The following TLN2 variants were observed in gnomAD, a reference collection of about 807,000 sequenced individuals.
The protein encoded by TLN2 is talin-2.
Under a neutral mutation model 294.7 loss-of-function variants are expected in TLN2, and 118 were observed. That is an observed-to-expected ratio of 0.40 (90% CI 0.34 to 0.47). The LOEUF (loss-of-function observed/expected upper bound fraction) is 0.47. Ranked by LOEUF, TLN2 falls within the 20% of genes least tolerant of loss-of-function variation. The probability of loss-of-function intolerance (pLI) is 0.84; values close to 1 mark genes in which losing one functional copy is unlikely to be tolerated. For synonymous variants in TLN2, 1,431 were observed against 1,304.5 expected (o/e 1.10, Z -2.09); for missense variants, 3,083 against 3,282.2 (o/e 0.94, Z 1.48).
chr15:62,508,551 T>C (rs2039758048), intron 1 of TLN2, among the ~76,000 whole-genome samples: 1 of 152,226 alleles, frequency 6.6e-6, no homozygotes, highest in Non-Finnish European at 1.5e-5. Flanking sequence ...AAATTTTTCA[T>C]TTCGAAAAGA....
At chr15:62,817,814 CTTT>C (rs1179496167) in intron 52 of TLN2, among the ~76,000 whole-genome samples, 16 of 115,736 alleles carry the variant, frequency 1.4e-4, no homozygotes, top group African/African-American at 4.3e-4. Flanking sequence ...TCCATTCTAT[CTTT>C]TTTTTTTTTT....
rs1215810198 is a variant in TLN2, at chr15:62,631,500, TCTTTTCTTTCTTTCTTTC to T, written c.-37+13026_-37+13043del. Reference sequence around the variant, plus strand: ...CCTCTTTTCTTTCTTTCTTTCTTCCTCTTTTCTTTCTTTCTTTCTTCCTTTCCTTTCCTTTCCTTTCCT... The same window carrying T: ...CCTCTTTTCTTTCTTTCTTTCTTCCTTTCCTTTCCTTTCCTTTCCTTTCCT... On this transcript the variant is annotated intron_variant, in intron 3 of 58. Coordinates refer to ENST00000636159, the MANE Select transcript of TLN2 (RefSeq NM_015059.3). Among the ~76,000 whole-genome samples, 34 of 138,410 alleles carry T rather than the reference TCTTTTCTTTCTTTCTTTC, an allele frequency of 2.5e-4. 1 individual carries two copies. Among genetic ancestry groups the T allele is most frequent in the Middle Eastern group, 3.5e-3 (1 of 286 alleles). 90.8% of individuals were successfully genotyped at this position (138,410 alleles called of 152,430 possible).
intron 1 of TLN2, among the ~76,000 whole-genome samples, chr15:62,431,651 A>G (rs1362751052): frequency 6.6e-6 from 1 of 152,206 alleles, no homozygotes; most frequent in Non-Finnish European, 1.5e-5. Flanking sequence ...TGCTGAAAGA[A>G]TCTTTATAGC....
chr15:62,753,412 G>T (rs2062045098), intron 35 of TLN2, among the ~76,000 whole-genome samples: 1 of 152,192 alleles, frequency 6.6e-6, no homozygotes, highest in Non-Finnish European at 1.5e-5. Flanking sequence ...CTGTCTGCCA[G>T]CCAAAGAGTC....
rs952259457 is a variant in TLN2, at chr15:62,843,735, G to C, written c.*3125G>C. ...CCAAAATTCACCATAGCCTAAGAGA[G>C]TAAACCCCACCTCCAAAGTGATGCC... On this transcript the variant is annotated 3_prime_UTR_variant, in exon 59 of 59. Transcript: ENST00000636159. 2.0e-5 allele frequency: 3 copies of C among 152,190 alleles called. No homozygotes were observed. Among genetic ancestry groups the C allele is most frequent in the Non-Finnish European group, 4.4e-5 (3 of 68,050 alleles). 9.4% of individuals were successfully genotyped at this position (152,190 alleles called of 1,614,324 possible).
chr15:62,492,237 G>GTCAGGAGA (rs2038775429), intron 1 of TLN2, among the ~76,000 whole-genome samples: 1 of 152,028 alleles, frequency 6.6e-6, no homozygotes, highest in Non-Finnish European at 1.5e-5. Context: ...GGATCATGAG[G>GTCAGGAGA]TCAGGAGATC....
chr15:62,401,874 A>T (rs1021276693), intron 1 of TLN2, among the ~76,000 whole-genome samples: 1 of 152,182 alleles, frequency 6.6e-6, no homozygotes, highest in South Asian at 2.1e-4. Context: ...GATTCTAGAC[A>T]AGGAGGATAT....
At chr15:62,598,304 A>G (rs1305860510) in intron 2 of TLN2, among the ~76,000 whole-genome samples, 1 of 152,158 alleles carries the variant, frequency 6.6e-6, no homozygotes, top group African/African-American at 2.4e-5. Flanking sequence ...ATAGGTGGGA[A>G]AAGACTTCTC....
chr15:62,543,213 C>G (rs1354341918), intron 1 of TLN2, among the ~76,000 whole-genome samples: 2 of 152,126 alleles, frequency 1.3e-5, no homozygotes, highest in African/African-American at 4.8e-5. Flanking sequence ...CCTCAGGAAG[C>G]CTTTGGTCTT....
Position 62,819,641 on chromosome 15 carries a change from C to T in TLN2, c.6877+20C>T. ...TGAAAGGTAGGCTGGATTCTCACGT[C>T]TTGGTGGAGGGCAACCCTCCCAGGC... On this transcript the variant is annotated intron_variant, in intron 53 of 58. Coordinates refer to ENST00000636159, the MANE Select transcript of TLN2 (RefSeq NM_015059.3). 3 of 1,602,048 alleles carry T rather than the reference C, an allele frequency of 1.9e-6. No individual in the cohort carries two copies. The highest frequency in any genetic ancestry group is 2.5e-6 in the Non-Finnish European group (3 of 1,176,702).
In TLN2 at chr15:62,512,105, C is replaced by T. The variant is rs559175650; in HGVS notation, c.-237-77582C>T. On this transcript the variant is annotated intron_variant, in intron 1 of 58. Coordinates refer to ENST00000636159, the MANE Select transcript of TLN2 (RefSeq NM_015059.3). Reference sequence around the variant, plus strand: ...CCCACCCAGCTGCTGTCCTGGGTCACAGCTGGAAGCAGAAAAGTCTAAGCT... The same window carrying T: ...CCCACCCAGCTGCTGTCCTGGGTCATAGCTGGAAGCAGAAAAGTCTAAGCT... 2.6e-5 allele frequency among the ~76,000 whole-genome samples: 4 copies of T among 152,274 alleles called. No homozygotes were observed. The East Asian group carries it at 5.8e-4, about 22-fold the overall frequency.
At chr15:62,830,989 G>A (rs2068779157) in intron 54 of TLN2, 1 of 151,540 alleles carries the variant, frequency 6.6e-6, no homozygotes, top group Admixed American at 6.6e-5. Flanking sequence ...AGAAAAATCT[G>A]TGGGTGTCAA....
At chr15:62,661,802 CTG>C (rs2053868590) in intron 9 of TLN2, among the ~76,000 whole-genome samples, 1 of 152,040 alleles carries the variant, frequency 6.6e-6, no homozygotes, top group African/African-American at 2.4e-5. Flanking sequence ...AAAAATGTAG[CTG>C]CTGGAGCAGC....
intron 22 of TLN2, among the ~76,000 whole-genome samples, chr15:62,712,678 A>C (rs1360604240): frequency 1.3e-5 from 2 of 152,180 alleles, no homozygotes; most frequent in Admixed American, 1.3e-4. Context: ...CACATGCCTC[A>C]GTTTCATCCC....
chr15:62,656,492 C>T (rs2053228012), intron 8 of TLN2, among the ~76,000 whole-genome samples: 1 of 152,198 alleles, frequency 6.6e-6, no homozygotes. Flanking sequence ...TCTCAATAAC[C>T]TTTCATGTCT....
At chr15:62,544,969 G>C (rs1022284057) in intron 1 of TLN2, among the ~76,000 whole-genome samples, 1 of 151,370 alleles carries the variant, frequency 6.6e-6, no homozygotes, top group Admixed American at 6.6e-5. Context: ...TCGCTCTGTC[G>C]CCCAAGCTGG....
At chr15:62,538,471 C>T (rs1038443433) in intron 1 of TLN2, among the ~76,000 whole-genome samples, 2 of 152,174 alleles carry the variant, frequency 1.3e-5, no homozygotes, top group African/African-American at 4.8e-5. Context: ...TGGAACTCAG[C>T]TGTGTCAGAT....
chr15:62,448,532 A>C (rs559450894), intron 1 of TLN2, among the ~76,000 whole-genome samples: 210 of 152,270 alleles, frequency 1.4e-3, no homozygotes, highest in African/African-American at 4.4e-3. Flanking sequence ...GTGTGGAATT[A>C]TTTATTACAG....
In TLN2 at chr15:62,506,973, G is replaced by A. The variant is rs539958439; in HGVS notation, c.-237-82714G>A. 3.4e-4 allele frequency among the ~76,000 whole-genome samples: 51 copies of A among 151,794 alleles called. 1 individual carries two copies. Among genetic ancestry groups the A allele is most frequent in the African/African-American group, 1.2e-3 (50 of 41,530 alleles). On this transcript the variant is annotated intron_variant, in intron 1 of 58. Coordinates refer to ENST00000636159, the MANE Select transcript of TLN2 (RefSeq NM_015059.3). ...TGAAGTGAATGACAAGATATTTGTTGTTTTTACTGGTGACAGATGATAAAT... is the reference window on the plus strand; with the variant it reads ...TGAAGTGAATGACAAGATATTTGTTATTTTTACTGGTGACAGATGATAAAT...
Sources: allele counts gnomAD v4.1 joint callset (sites outside exome capture counted in the v4.1 genomes callset), GRCh38; gene constraint gnomAD v4.1.1; transcripts MANE v1.5; gene names NCBI Gene and HGNC (gene_info 2026-07-23, HGNC 2026-07-21).